SUV39H2: variants seen among roughly 807,000 people sequenced by gnomAD.
SUV39H2 encodes histone-lysine N-methyltransferase SUV39H2.
SUV39H2 carries 10 observed loss-of-function variants against 47.5 expected under a neutral mutation model. That is an observed-to-expected ratio of 0.21 (90% CI 0.13 to 0.36). The LOEUF (loss-of-function observed/expected upper bound fraction) is 0.36. SUV39H2 is among the 10% of genes least tolerant of loss of function. The pLI, the probability that SUV39H2 is intolerant of heterozygous loss-of-function variation, is 1.00. For synonymous variants in SUV39H2, 159 were observed against 166.8 expected, an observed-to-expected ratio of 0.95 and a Z score of 0.36; for missense variants, 266 against 487.4, an observed-to-expected ratio of 0.55 and a Z score of 4.28.
At chr10:14,899,935 A>G (rs920266741) in intron 4 of SUV39H2, among the ~76,000 whole-genome samples, 4 of 152,210 alleles carry the variant, frequency 2.6e-5, no homozygotes, top group African/African-American at 4.8e-5. Flanking sequence ...CTTCATTTAA[A>G]CTTTCTAGTA....
chr10:14,900,763 A>G (rs946055228), intron 4 of SUV39H2, among the ~76,000 whole-genome samples: 2 of 152,152 alleles, frequency 1.3e-5, no homozygotes, highest in African/African-American at 4.8e-5. Flanking sequence ...TAGTTATTTT[A>G]AAGTGTATGC....
chr10:14,890,338 C>G (rs902227440), intron 2 of SUV39H2, among the ~76,000 whole-genome samples: 15 of 152,184 alleles, frequency 9.9e-5, no homozygotes, highest in Non-Finnish European at 2.2e-4. Context: ...TTTCCATTGA[C>G]TATAATAGTT....
intron 4 of SUV39H2, among the ~76,000 whole-genome samples, chr10:14,900,198 G>T (rs961803694): frequency 6.6e-6 from 1 of 152,238 alleles, no homozygotes; most frequent in South Asian, 2.1e-4. Flanking sequence ...ACCTTTTAAT[G>T]TCTGAAAGCT....
Position 14,902,419 on chromosome 10 carries a change from A to G in SUV39H2, c.1140A>G (p.Ile380Met). 1 of 1,608,594 alleles carries G rather than the reference A, an allele frequency of 6.2e-7. No individual in the cohort carries two copies. The highest frequency in any genetic ancestry group is 8.5e-7 in the Non-Finnish European group (1 of 1,177,894). ...FDYQMKGSGD[I>M]SSDSIDHSPA... ...CTGTGTCTTCAGGTTCTGGAGATAT[A>G]TCTTCAGATTCTATTGACCACAGCC... Residue 380 changes from isoleucine to methionine, a missense_variant, in exon 6 of 6, where the codon ATA (isoleucine) becomes ATG (methionine). By Grantham distance (10) the Ile-to-Met change is conservative (BLOSUM62 1). This residue lies in a region of SUV39H2 where 112 missense variants were observed against 271.9 expected (regional missense o/e 0.41). Coordinates refer to ENST00000354919, the MANE Select transcript of SUV39H2 (RefSeq NM_001193424.2).
At chr10:14,901,905 C>T (rs1382299799) in intron 5 of SUV39H2, among the ~76,000 whole-genome samples, 1 of 152,034 alleles carries the variant, frequency 6.6e-6, no homozygotes, top group Non-Finnish European at 1.5e-5. Context: ...ATATTTAAAT[C>T]ACATACAAAT....
intron 5 of SUV39H2, among the ~76,000 whole-genome samples, chr10:14,901,791 C>T (rs909129547): frequency 6.6e-6 from 1 of 151,764 alleles, no homozygotes; most frequent in Non-Finnish European, 1.5e-5. Context: ...GTGAATAGCA[C>T]CACTGCACTC....
In SUV39H2 at chr10:14,897,230, A is replaced by G. The variant is rs376480219; in HGVS notation, c.562A>G (p.Thr188Ala). 6.2e-7 allele frequency: 1 copy of G among 1,613,908 alleles called. No individual in the cohort carries two copies. The highest frequency in any genetic ancestry group is 1.1e-5 in the South Asian group (1 of 91,086). ...TGGAATCAGCTTAGTCAATGAAGCTACCTTTGGTTGTTCATGCACAGATTG... is the reference window on the plus strand; with the variant it reads ...TGGAATCAGCTTAGTCAATGAAGCTGCCTTTGGTTGTTCATGCACAGATTG... Reference protein sequence around the residue: ...APGISLVNEATFGCSCTDCFF... With the variant: ...APGISLVNEAAFGCSCTDCFF... Residue 188 changes from threonine to alanine, a missense_variant, in exon 3 of 6, where the codon ACC (threonine) becomes GCC (alanine). By Grantham distance (58) the Thr-to-Ala change is moderately conservative (BLOSUM62 0). Coordinates refer to ENST00000354919, the MANE Select transcript of SUV39H2 (RefSeq NM_001193424.2).
At chr10:14,895,225 G>A (rs1360053478) in intron 2 of SUV39H2, among the ~76,000 whole-genome samples, 1 of 148,594 alleles carries the variant, frequency 6.7e-6, no homozygotes, top group South Asian at 2.1e-4. Context: ...TGCCCAGGCT[G>A]GAGTGCAGTG....
intron 4 of SUV39H2, 48 bp from the exon 5 acceptor site, chr10:14,901,085 C>G: frequency 1.2e-6 from 2 of 1,600,772 alleles, no homozygotes; most frequent in Non-Finnish European, 8.5e-7. Flanking sequence ...TGTAGAAGGG[C>G]TTGTTTACAC....
chr10:14,890,493 A>G (rs1833353719), intron 2 of SUV39H2, among the ~76,000 whole-genome samples: 1 of 152,136 alleles, frequency 6.6e-6, no homozygotes, highest in South Asian at 2.1e-4. Context: ...CCCAGGCTCA[A>G]ACGATCCTCG....
At chr10:14,900,668 G>T (rs1833944746) in intron 4 of SUV39H2, among the ~76,000 whole-genome samples, 1 of 152,140 alleles carries the variant, frequency 6.6e-6, no homozygotes, top group South Asian at 2.1e-4. Context: ...GAAGAGTTTG[G>T]ACCAAAAATT....
rs759771637 is a variant in SUV39H2, at chr10:14,878,914, G to A, written c.26G>A (p.Arg9Gln). 2 of 1,479,004 alleles carry A rather than the reference G, an allele frequency of 1.4e-6. No individual in the cohort carries two copies. Among genetic ancestry groups the A allele is most frequent in the South Asian group, 2.7e-5 (2 of 74,068 alleles). 91.6% of individuals were successfully genotyped at this position (1,479,004 alleles called of 1,614,324 possible). The change falls in exon 1 of 6, where the codon CGA (arginine) becomes CAA (glutamine). Residue 9 changes from arginine to glutamine, a missense_variant. By Grantham distance (43) the Arg-to-Gln change is conservative. Transcript: ENST00000354919. ...ATGGCGGCGGTCGGGGCCGAGGCGCGAGGAGGTGAGGCTGGAGCGCGGCCC... is the reference window on the plus strand; with the variant it reads ...ATGGCGGCGGTCGGGGCCGAGGCGCAAGGAGGTGAGGCTGGAGCGCGGCCC... MAAVGAEA[R>Q]GAWCVPCLVS... is the part of the protein sequence containing the mutation.
chr10:14,894,865 C>T (rs182957075), intron 2 of SUV39H2, among the ~76,000 whole-genome samples: 1 of 152,258 alleles, frequency 6.6e-6, no homozygotes, highest in African/African-American at 2.4e-5. Context: ...GACCTTTTGT[C>T]ATTAATGCAT....
At chr10:14,894,816 A>G (rs1307998741) in intron 2 of SUV39H2, among the ~76,000 whole-genome samples, 3 of 152,130 alleles carry the variant, frequency 2.0e-5, no homozygotes, top group Non-Finnish European at 2.9e-5. Context: ...CCTCAGCCCA[A>G]TTTGTGCCTC....
At chr10:14,887,020 A>G (rs1833231883) in intron 2 of SUV39H2, among the ~76,000 whole-genome samples, 1 of 152,204 alleles carries the variant, frequency 6.6e-6, no homozygotes, top group South Asian at 2.1e-4. Context: ...ATCCTAAGGC[A>G]ATGGGGAGTT....
intron 2 of SUV39H2, among the ~76,000 whole-genome samples, chr10:14,883,963 A>G (rs1436838550): frequency 6.6e-6 from 1 of 151,878 alleles, no homozygotes; most frequent in Non-Finnish European, 1.5e-5. Context: ...GGCCCCTTTC[A>G]CTCAGCGTGT....
chr10:14,895,098 G>GA (rs1000615671), intron 2 of SUV39H2, among the ~76,000 whole-genome samples: 9 of 146,490 alleles, frequency 6.1e-5, no homozygotes, highest in East Asian at 2.0e-4. Flanking sequence ...TATTCCAGAA[G>GA]AAAAAAAAAA....
At chr10:14,897,984 C>A (rs79500415) in intron 3 of SUV39H2, 1 of 151,940 alleles carries the variant, frequency 6.6e-6, no homozygotes, top group Non-Finnish European at 1.5e-5. Flanking sequence ...TATACACAAG[C>A]ATTTATTGCA....
At chr10:14,881,761 G>A (rs892732529) in intron 2 of SUV39H2, 116 bp downstream of exon 2, 2 of 980,242 alleles carry the variant, frequency 2.0e-6, no homozygotes, top group East Asian at 2.9e-5. Context: ...AAAATTCTAA[G>A]GCATGATAAA....
Sources: gnomAD v4.1 joint callset for allele counts (sites outside exome capture counted in the v4.1 genomes callset) on GRCh38, gnomAD v4.1.1 for gene constraint, gnomAD v4.1.1 regional missense constraint, MANE v1.5 for transcripts, NCBI Gene and HGNC (gene_info 2026-07-23, HGNC 2026-07-21) for gene names.